Variants in FGF13 observed in about 807,000 individuals in gnomAD.
FGF13 encodes fibroblast growth factor 13.
Under a neutral mutation model 19.5 loss-of-function variants are expected in FGF13, and 2 were observed. The ratio of observed to expected loss-of-function variants is 0.10; its 90% CI spans 0.04 to 0.32. FGF13 has a LOEUF of 0.32. Among genes scored for constraint, FGF13 ranks in the 10% least tolerant of loss-of-function variants. The probability of loss-of-function intolerance (pLI) is 1.00; values close to 1 mark genes in which losing one functional copy is unlikely to be tolerated. For missense variants in FGF13, 113 were observed against 192.7 expected, an observed-to-expected ratio of 0.59 and a Z score of 2.45; for synonymous variants, 72 against 76.9, an observed-to-expected ratio of 0.94 and a Z score of 0.33.
At chrX:139,111,235 G>A (rs2083598949) in intron 1 of FGF13, among the ~76,000 whole-genome samples, 1 of 111,522 alleles carries the variant, frequency 9.0e-6, no homozygotes, top group South Asian at 3.8e-4. Context: ...GCGGCCTCTG[G>A]CCAATCACAG....
intron 1 of FGF13, among the ~76,000 whole-genome samples, chrX:139,175,981 A>G (rs997875883): frequency 3.6e-5 from 4 of 111,719 alleles, no homozygotes; most frequent in Non-Finnish European, 5.6e-5. Context: ...GAATGGTACC[A>G]GCTCCTCTTT....
chrX:138,702,873 ATTC>A, intron 3 of FGF13, 108 bp downstream of exon 3: 1 of 497,682 alleles, frequency 2.0e-6, no homozygotes, highest in Non-Finnish European at 3.5e-6. Context: ...TTCCATCAAC[ATTC>A]TTCTCCTCAT....
At chrX:138,665,058 A>T (rs1293439003) in intron 3 of FGF13, among the ~76,000 whole-genome samples, 1 of 110,858 alleles carries the variant, frequency 9.0e-6, no homozygotes. Flanking sequence ...AGTGACCTAG[A>T]GTTTGCTCCT....
At chrX:139,066,332 C>A (rs1473621318) in intron 1 of FGF13, among the ~76,000 whole-genome samples, 1 of 111,293 alleles carries the variant, frequency 9.0e-6, no homozygotes, top group Non-Finnish European at 1.9e-5. Flanking sequence ...CAGAGCAGAA[C>A]TGAAGGCGAT....
chrX:139,064,051 G>C (rs190012347), intron 1 of FGF13, among the ~76,000 whole-genome samples: 67 of 110,567 alleles, frequency 6.1e-4, no homozygotes, highest in African/African-American at 2.2e-3. Flanking sequence ...GTTCAGGATG[G>C]TTATTTTGTG....
At chrX:138,847,895 G>T (rs2091194568) in intron 3 of FGF13, among the ~76,000 whole-genome samples, 1 of 111,708 alleles carries the variant, frequency 9.0e-6, no homozygotes, top group Admixed American at 9.5e-5. Context: ...GCTACAAGCT[G>T]CTTGAGTCAA....
At chrX:138,852,662 A>G (rs2091230295), downstream of FGF13, among the ~76,000 whole-genome samples, 1 of 112,291 alleles carries the variant, frequency 8.9e-6, no homozygotes. Flanking sequence ...TTCCATAATG[A>G]AAACATCAAA....
rs2089034673 is a variant in FGF13 at position 138,623,943 on chromosome X, G to A, written c.*8907C>T. 1 of 111,942 alleles carries A rather than the reference G, an allele frequency of 8.9e-6. No homozygotes were observed. The highest frequency in any genetic ancestry group is 3.2e-5 in the African/African-American group (1 of 30,838). 9.2% of individuals were successfully genotyped at this position (111,942 alleles called of 1,213,427 possible). ...TACTGATGAAAGGAATTGAAGAAGA[G>A]AAATAAGTGCAACAGTATCCTGTGT... On this transcript the variant is annotated 3_prime_UTR_variant, in exon 5 of 5. Coordinates refer to ENST00000315930, the MANE Select transcript of FGF13 (RefSeq NM_004114.5).
intron 1 of FGF13, among the ~76,000 whole-genome samples, chrX:138,982,666 A>G (rs947180659): frequency 8.9e-6 from 1 of 112,086 alleles, no homozygotes; most frequent in Admixed American, 9.5e-5. Context: ...AAACTTTAAT[A>G]CACATGATTT....
intron 1 of FGF13, among the ~76,000 whole-genome samples, chrX:139,139,287 C>T (rs1752009795): frequency 9.0e-6 from 1 of 111,724 alleles, no homozygotes; most frequent in African/African-American, 3.3e-5. Context: ...TAGGCAAAGA[C>T]GTATTGAGTG....
intron 1 of FGF13, among the ~76,000 whole-genome samples, chrX:139,170,087 C>G (rs924578490): frequency 9.0e-6 from 1 of 111,366 alleles, no homozygotes; most frequent in Admixed American, 9.5e-5. Flanking sequence ...ATGGAGTTTG[C>G]GTAAGATTTC....
intron 1 of FGF13, among the ~76,000 whole-genome samples, chrX:138,932,672 A>G (rs902117466): frequency 2.8e-5 from 3 of 107,468 alleles, no homozygotes; most frequent in Non-Finnish European, 5.8e-5. Context: ...CCCAACTGAA[A>G]ATAGAAAGGG....
At chrX:139,007,946 C>T (rs373897259) in intron 1 of FGF13, among the ~76,000 whole-genome samples, 1 of 112,823 alleles carries the variant, frequency 8.9e-6, no homozygotes, top group South Asian at 3.6e-4. Context: ...AGACTCAGTG[C>T]TGTTGTGGGG....
At chrX:138,872,961 C>T (rs188574894) in intron 1 of FGF13, among the ~76,000 whole-genome samples, 12 of 111,873 alleles carry the variant, frequency 1.1e-4, no homozygotes, top group South Asian at 3.8e-4. Flanking sequence ...CAAGTGATTA[C>T]GTCTATCCAA....
At chrX:138,943,793 C>T (rs985934950) in intron 1 of FGF13, among the ~76,000 whole-genome samples, 1 of 111,422 alleles carries the variant, frequency 9.0e-6, no homozygotes, top group Admixed American at 9.5e-5. Flanking sequence ...GCTATTTTCA[C>T]CTCTCGGAGA....
rs749191023 is a variant in FGF13 at position 138,894,511 on chromosome X, T to C, written c.-112-29861A>G. 2.2e-3 allele frequency among the ~76,000 whole-genome samples: 241 copies of C among 111,263 alleles called. 1 individual carries two copies. The highest frequency in any genetic ancestry group is 3.4e-3 in the Non-Finnish European group (179 of 53,013). Reference sequence around the variant, plus strand: ...AATCCCACAGAAATACAAACTATGATCAGAGAATACTATAAACAACTCTAT... The same window carrying C: ...AATCCCACAGAAATACAAACTATGACCAGAGAATACTATAAACAACTCTAT... On this transcript the variant is annotated intron_variant, in intron 1 of 2. Coordinates refer to the FGF13 transcript ENST00000421460.
chrX:138,689,310 T>C (rs2089815892), intron 3 of FGF13, among the ~76,000 whole-genome samples: 1 of 111,989 alleles, frequency 8.9e-6, no homozygotes, highest in Non-Finnish European at 1.9e-5. Flanking sequence ...TTTGAATGTT[T>C]TGATTTTACA....
chrX:138,730,192 G>A (rs777975217), intron 1 of FGF13, among the ~76,000 whole-genome samples: 1 of 110,692 alleles, frequency 9.0e-6, no homozygotes, highest in Non-Finnish European at 1.9e-5. Context: ...GTCGTGGGGT[G>A]GAGGAGGGGG....
intron 1 of FGF13, among the ~76,000 whole-genome samples, chrX:139,092,940 G>C (rs1331070573): frequency 8.9e-6 from 1 of 112,046 alleles, no homozygotes; most frequent in Admixed American, 9.5e-5. Flanking sequence ...AGCCATCTCT[G>C]TACCAACAGA....
Sources: allele counts gnomAD v4.1 joint callset (sites outside exome capture counted in the v4.1 genomes callset), GRCh38; gene constraint gnomAD v4.1.1; transcripts MANE v1.5; gene names NCBI Gene and HGNC (gene_info 2026-07-23, HGNC 2026-07-21).